LGR6: variants seen among roughly 807,000 people sequenced by gnomAD.
LGR6 encodes leucine rich repeat containing G protein-coupled receptor 6, also known as leucine-rich repeat-containing G protein-coupled receptor 6.
A neutral mutation model predicts 69.4 loss-of-function variants in LGR6; 45 were observed. That is an observed-to-expected ratio of 0.65 (90% CI 0.51 to 0.83). The LOEUF is 0.83. LGR6 is among the 40% of genes least tolerant of loss of function. The pLI is 0.00. For synonymous variants in LGR6, 538 were observed against 555.0 expected (o/e 0.97, Z 0.43); for missense variants, 1,108 against 1,246.7 (o/e 0.89, Z 1.68).
rs1378980655 is a variant in LGR6, at chr1:202,194,003, C to T, written c.14C>T (p.Pro5Leu). ...CCGACCGCCGAGATGCCCAGCCCGC[C>T]GGGGCTCCGGGCGCTATGGCTTTGC... MPSPPGLRALWLCAA... is the reference protein window; with the variant it reads MPSPLGLRALWLCAA... Residue 5 changes from proline (P) to leucine (L), a missense_variant, in exon 1 of 18, where the codon CCG becomes CTG. Pro to Leu is a moderately conservative substitution (Grantham distance 98). Transcript: ENST00000367278. 30 of 1,376,938 alleles carry T rather than the reference C, an allele frequency of 2.2e-5. No homozygotes were observed. Among genetic ancestry groups the T allele is most frequent in the Non-Finnish European group, 2.8e-5 (30 of 1,067,962 alleles). 85.3% of individuals were successfully genotyped at this position (1,376,938 alleles called of 1,614,324 possible). A position where few individuals can be genotyped will look rare whatever the true frequency, so the allele number is the denominator to read the frequency against.
chr1:202,311,554 G>A (rs1653720998), intron 16 of LGR6, among the ~76,000 whole-genome samples: 1 of 152,194 alleles, frequency 6.6e-6, no homozygotes. Context: ...CAGCTACTTG[G>A]GAGGCTGAGA....
intron 6 of LGR6, among the ~76,000 whole-genome samples, chr1:202,290,020 A>G (rs769958095): frequency 6.6e-6 from 1 of 152,230 alleles, no homozygotes; most frequent in Non-Finnish European, 1.5e-5. Context: ...TTGCTATGAA[A>G]AGGGGATGGG....
chr1:202,300,978 G>A, intron 8 of LGR6, 58 bp downstream of exon 8: 1 of 1,503,688 alleles, frequency 6.7e-7, no homozygotes, highest in Admixed American at 1.7e-5. Context: ...GAGGAGGACA[G>A]AGGATGGGAA....
chr1:202,264,156 G>A (rs746703397), intron 4 of LGR6, among the ~76,000 whole-genome samples: 1 of 152,116 alleles, frequency 6.6e-6, no homozygotes, highest in Non-Finnish European at 1.5e-5. Flanking sequence ...GAGCCTGGGA[G>A]CTCTTGGGAA....
At chr1:202,222,093 A>T (rs1254020198) in intron 1 of LGR6, among the ~76,000 whole-genome samples, 2 of 152,174 alleles carry the variant, frequency 1.3e-5, no homozygotes, top group African/African-American at 4.8e-5. Flanking sequence ...GGCTGGTGGC[A>T]TTGGCTTGGT....
chr1:202,303,409 C>T (rs934237640), intron 10 of LGR6, 62 bp downstream of exon 10: 9 of 1,304,004 alleles, frequency 6.9e-6, no homozygotes, highest in Middle Eastern at 1.9e-4. Context: ...AGAGCTCTTC[C>T]ACTCCCTGCC....
chr1:202,294,761 T>A (rs1028053172), intron 6 of LGR6, among the ~76,000 whole-genome samples: 6 of 152,194 alleles, frequency 3.9e-5, no homozygotes, highest in Non-Finnish European at 7.3e-5. Context: ...CCAAGGTAGA[T>A]GTCACATCTT....
chr1:202,295,785 C>T (rs184379989), intron 6 of LGR6, among the ~76,000 whole-genome samples: 10 of 152,110 alleles, frequency 6.6e-5, no homozygotes, highest in African/African-American at 2.2e-4. Context: ...CACTAGAGAA[C>T]GGAGCAGAGA....
chr1:202,270,452 G>A (rs1225531261), intron 4 of LGR6, among the ~76,000 whole-genome samples: 1 of 151,924 alleles, frequency 6.6e-6, no homozygotes, highest in African/African-American at 2.4e-5. Flanking sequence ...ATGTTGGTCA[G>A]GATGGTCTTG....
In LGR6 at chr1:202,237,055, T is replaced by C. The variant is rs532236424; in HGVS notation, c.428+1062T>C. Among the ~76,000 whole-genome samples the C allele has an allele frequency of 1.3e-4, 20 of 152,302 alleles. No individual in the cohort carries two copies. In the East Asian group the frequency reaches 3.9e-3, roughly 29 times the overall value. On this transcript the variant is annotated intron_variant, in intron 4 of 17. Transcript: ENST00000367278. Reference sequence around the variant, plus strand: ...GCCACACCCCCCGTGGTGAGGGCTTTCCTCTCCTACTCCTTCCCTGGGTGC... The same window carrying C: ...GCCACACCCCCCGTGGTGAGGGCTTCCCTCTCCTACTCCTTCCCTGGGTGC...
At chr1:202,314,501 C>T (rs181849138) in intron 16 of LGR6, among the ~76,000 whole-genome samples, 41 of 152,292 alleles carry the variant, frequency 2.7e-4, no homozygotes, top group Admixed American at 1.4e-3. Context: ...CACTCCAACT[C>T]GAAGCAGCAC....
chr1:202,212,056 C>T (rs1460647981), intron 1 of LGR6, among the ~76,000 whole-genome samples: 1 of 152,206 alleles, frequency 6.6e-6, no homozygotes. Context: ...ACCCAGTTTA[C>T]GCATTCCACT....
intron 1 of LGR6, among the ~76,000 whole-genome samples, chr1:202,196,364 C>T (rs1378326496): frequency 2.0e-5 from 3 of 152,164 alleles, no homozygotes; most frequent in South Asian, 2.1e-4. Flanking sequence ...AGCTGGCATG[C>T]AGAAGAGCCA....
Position 202,319,047 on chromosome 1 carries a change from G to A in LGR6, c.2744G>A (p.Ser915Asn), listed in dbSNP as rs751533943. ...QQPGAPRLEGSHCVEPEGNHF... is the reference protein window; with the variant it reads ...QQPGAPRLEGNHCVEPEGNHF... ...CCAGGGGCCCCCAGGCTGGAGGGCA[G>A]CCATTGTGTAGAGCCAGAGGGGAAC... Residue 915 changes from serine (S) to asparagine (N), a missense_variant, in exon 18 of 18, where the codon AGC becomes AAC. Ser to Asn is a conservative substitution (Grantham distance 46, BLOSUM62 1). Transcript: ENST00000367278. The A allele has an allele frequency of 1.2e-6, 2 of 1,614,202 alleles. No individual in the cohort carries two copies. The highest frequency in any genetic ancestry group is 1.7e-5 in the Admixed American group (1 of 60,028).
rs190153158 is a variant in LGR6 at position 202,214,095 on chromosome 1, A to C, written c.213-11328A>C. The C allele has an allele frequency of 5.6e-3, 7,777 of 1,396,836 alleles. 34 individuals are homozygous for C. The highest frequency in any genetic ancestry group is 5.6e-3 in the Non-Finnish European group (6,075 of 1,077,106). 86.5% of individuals were successfully genotyped at this position (1,396,836 alleles called of 1,614,324 possible). A position where few individuals can be genotyped will look rare whatever the true frequency, so the allele number is the denominator to read the frequency against. On this transcript the variant is annotated intron_variant, in intron 1 of 17. Coordinates refer to ENST00000367278, the MANE Select transcript of LGR6 (RefSeq NM_001017403.2). ...AGAAGCGGCAGAACGAGAGAGGATC[A>C]GCGCGGAGGGTGGCGGGCACTGGAC...
intron 5 of LGR6, among the ~76,000 whole-genome samples, chr1:202,280,386 C>G (rs1027456916): frequency 3.9e-5 from 6 of 152,128 alleles, no homozygotes; most frequent in African/African-American, 1.4e-4. Context: ...TTGCTGTTGG[C>G]TCCCATAAGT....
chr1:202,318,330 C>T lies in LGR6; in HGVS notation c.2027C>T (p.Ala676Val), dbSNP rs994199897. Residue 676 changes from alanine to valine, a missense_variant, in exon 18 of 18, where the codon GCC (alanine) becomes GTC (valine). Transcript: ENST00000367278. ...AGCGTCTCCGTCTCCTGTGTCCGGG[C>T]CTATGGGAAGTCCCCCTCCCTGGGC... is the stretch of plus-strand genomic sequence containing the variant. ...QCSVSVSCVR[A>V]YGKSPSLGSV... 1.9e-6 allele frequency: 3 copies of T among 1,595,240 alleles called. No individual in the cohort carries two copies. In the African/African-American group the frequency reaches 4.0e-5, roughly 21 times the overall value.
In LGR6 at chr1:202,219,915, G is replaced by GCC. The variant is rs1446036773; in HGVS notation, c.213-5506_213-5505dup. ...TTTTTGAGACAGTTTCATTCTTGTT[G>GCC]CCCAGGCTGGGGTACAGTGGCATGA... On this transcript the variant is annotated intron_variant, in intron 1 of 17. Coordinates refer to ENST00000367278, the MANE Select transcript of LGR6 (RefSeq NM_001017403.2). Among the ~76,000 whole-genome samples the GCC allele has an allele frequency of 2.0e-5, 3 of 151,808 alleles. No individual in the cohort carries two copies. In the East Asian group the frequency reaches 5.8e-4, roughly 29 times the overall value.
rs575411105 is a variant in LGR6, at chr1:202,315,304, G to C, written c.1648+422G>C. Among the ~76,000 whole-genome samples, 22 of 152,228 alleles carry C rather than the reference G, an allele frequency of 1.4e-4. No individual in the cohort carries two copies. In the South Asian group the frequency reaches 4.4e-3, roughly 30 times the overall value. On this transcript the variant is annotated intron_variant, in intron 17 of 17. Coordinates refer to ENST00000367278, the MANE Select transcript of LGR6 (RefSeq NM_001017403.2). The stretch of plus-strand genomic sequence containing the variant: ...CAGGTCACCTTCTCCATCCCTCCCT[G>C]CTCCATCCCAGGAAGATTACAGTCT...
Sources: allele counts gnomAD v4.1 joint callset (sites outside exome capture counted in the v4.1 genomes callset), GRCh38; gene constraint gnomAD v4.1.1; transcripts MANE v1.5; gene names NCBI Gene and HGNC (gene_info 2026-07-23, HGNC 2026-07-21).